CYP2J2: variants seen among roughly 807,000 people sequenced by gnomAD.
CYP2J2 encodes cytochrome P450 family 2 subfamily J member 2, also known as cytochrome P450 2J2.
In CYP2J2, 41 loss-of-function variants were observed where a neutral mutation model predicts 48.8. The observed-to-expected ratio is 0.84, with a 90% CI of 0.66 to 1.09. The LOEUF is 1.09. CYP2J2 is among the 50% of genes least tolerant of loss of function. The pLI is 0.00. For synonymous variants in CYP2J2, 221 were observed against 227.1 expected (o/e 0.97, Z 0.24); for missense variants, 644 against 617.3 (o/e 1.04, Z -0.46).
chr1:59,938,481 T>C, the CYP2J2 span, among the ~76,000 whole-genome samples: 1 of 152,236 alleles, frequency 6.6e-6, no homozygotes, highest in Non-Finnish European at 1.5e-5. Flanking sequence ...GATGTGCACG[T>C]AGGCCAGATT....
the CYP2J2 span, among the ~76,000 whole-genome samples, chr1:59,936,942 G>A: frequency 4.6e-5 from 7 of 152,290 alleles, no homozygotes; most frequent in Admixed American, 2.0e-4. Flanking sequence ...GTTACTTATT[G>A]GTTTATAAAA....
At position 59,904,897 on chromosome 1, in the gene CYP2J2, T is replaced by C; in HGVS notation, c.1165A>G (p.Thr389Ala). The change falls in exon 7 of 9, where the codon ACT (threonine) becomes GCT (alanine). Residue 389 changes from threonine (T) to alanine (A), a missense_variant. Transcript: ENST00000371204. Reference sequence around the variant, plus strand: ...TTGGGCAGGTGGTACCCAGCCAAAGTGGTATCAACTGTCACTTCCCTGGGA... The same window carrying C: ...TTGGGCAGGTGGTACCCAGCCAAAGCGGTATCAACTGTCACTTCCCTGGGA... ...NVPREVTVDTTLAGYHLPKGT... is the reference protein window; with the variant it reads ...NVPREVTVDTALAGYHLPKGT... 6.2e-7 allele frequency: 1 copy of C among 1,613,686 alleles called. No homozygotes were observed. The highest frequency in any genetic ancestry group is 8.5e-7 in the Non-Finnish European group (1 of 1,179,850).
rs1644376853 is a variant in CYP2J2, at chr1:59,907,772, A to G, written c.1003+14T>C. ...ATTCTGTCCTGGTTCAGGCTTACTCACTGACATGCTCACCTTGGATTTCTG... is the reference window on the plus strand; with the variant it reads ...ATTCTGTCCTGGTTCAGGCTTACTCGCTGACATGCTCACCTTGGATTTCTG... On this transcript the variant is annotated intron_variant, in intron 6 of 8. Coordinates refer to ENST00000371204, the MANE Select transcript of CYP2J2 (RefSeq NM_000775.4). The G allele has an allele frequency of 6.2e-7, 1 of 1,613,656 alleles. No individual in the cohort carries two copies. Among genetic ancestry groups the G allele is most frequent in the Non-Finnish European group, 8.5e-7 (1 of 1,179,768 alleles).
intron 5 of CYP2J2, among the ~76,000 whole-genome samples, chr1:59,908,578 C>T (rs554652277): frequency 6.6e-6 from 1 of 152,310 alleles, no homozygotes; most frequent in African/African-American, 2.4e-5. Flanking sequence ...TCCAATGTTG[C>T]TCTTAATGTT....
the CYP2J2 span, among the ~76,000 whole-genome samples, chr1:59,945,412 ATC>A: frequency 1.5e-4 from 1 of 6,782 alleles, no homozygotes. Context: ...TCTGTCATCT[ATC>A]TATCTATCTA....
chr1:59,930,383 T>A (rs969988816), upstream of CYP2J2, among the ~76,000 whole-genome samples: 1 of 152,132 alleles, frequency 6.6e-6, no homozygotes, highest in Non-Finnish European at 1.5e-5. Context: ...TGCCCAAGAT[T>A]TTCAATATCT....
In CYP2J2 at chr1:59,912,394, T is replaced by A. The variant is rs1644426051; in HGVS notation, c.374-83A>T. ...AAATGATATGGGAATGTGTATCAGA[T>A]GAAGGACAGGAGAAGATCATTAAGG... On this transcript the variant is annotated intron_variant, in intron 2 of 8. Transcript: ENST00000371204. 2.8e-6 allele frequency: 4 copies of A among 1,448,208 alleles called. No homozygotes were observed. In the South Asian group the frequency reaches 5.3e-5, roughly 19 times the overall value. 89.7% of individuals were successfully genotyped at this position (1,448,208 alleles called of 1,614,324 possible). A position where few individuals can be genotyped will look rare whatever the true frequency, so the allele number is the denominator to read the frequency against.
the CYP2J2 span, among the ~76,000 whole-genome samples, chr1:59,958,539 A>G: frequency 2.4e-4 from 36 of 148,022 alleles, no homozygotes; most frequent in Admixed American, 4.0e-4. Context: ...TCCTTCCTAG[A>G]ACATCCCAGT....
At chr1:59,925,731 G>GT (rs1376300037) in intron 1 of CYP2J2, among the ~76,000 whole-genome samples, 1 of 152,206 alleles carries the variant, frequency 6.6e-6, no homozygotes, top group Non-Finnish European at 1.5e-5. Context: ...CTGCAGGCAT[G>GT]TGCAGGGAAA....
chr1:59,914,972 C>T (rs1644451908), intron 2 of CYP2J2, among the ~76,000 whole-genome samples: 1 of 152,234 alleles, frequency 6.6e-6, no homozygotes, highest in South Asian at 2.1e-4. Context: ...GACATGTTGG[C>T]AGCAACGCTG....
At chr1:59,898,342 C>A (rs1330368272) in intron 8 of CYP2J2, among the ~76,000 whole-genome samples, 1 of 152,156 alleles carries the variant, frequency 6.6e-6, no homozygotes, top group Non-Finnish European at 1.5e-5. Context: ...TGTGACTAAG[C>A]CAGGACAGCT....
At chr1:59,951,131 T>C in the CYP2J2 span, among the ~76,000 whole-genome samples, 1 of 152,314 alleles carries the variant, frequency 6.6e-6, no homozygotes, top group Admixed American at 6.5e-5. Flanking sequence ...CTAAGGAAAC[T>C]GACATAGAAA....
the CYP2J2 span, among the ~76,000 whole-genome samples, chr1:59,939,370 C>T: frequency 1.3e-5 from 2 of 152,092 alleles, no homozygotes; most frequent in African/African-American, 2.4e-5. Flanking sequence ...GACAAGATCT[C>T]GAAGAATTCT....
chr1:59,948,869 AAAG>A, the CYP2J2 span, among the ~76,000 whole-genome samples: 56 of 152,268 alleles, frequency 3.7e-4, 3 homozygotes, highest in South Asian at 0.011. Flanking sequence ...ATACTGACTT[AAAG>A]AAGAAAATCC....
chr1:59,893,621 CT>C lies in CYP2J2; in HGVS notation c.*29del. ...TCAGAACACGTGCCATGTCTTCTTA[CT>C]TTCCTTGCCCCTTTCTTTCTTAACA... is the stretch of plus-strand genomic sequence containing the variant. On this transcript the variant is annotated 3_prime_UTR_variant, in exon 9 of 9. Coordinates refer to ENST00000371204, the MANE Select transcript of CYP2J2 (RefSeq NM_000775.4). 6.5e-7 allele frequency: 1 copy of C among 1,535,834 alleles called. No individual in the cohort carries two copies. Among genetic ancestry groups the C allele is most frequent in the Non-Finnish European group, 8.8e-7 (1 of 1,133,882 alleles).
intron 7 of CYP2J2, among the ~76,000 whole-genome samples, chr1:59,902,495 A>C (rs948066624): frequency 2.0e-5 from 3 of 151,984 alleles, no homozygotes; most frequent in African/African-American, 7.3e-5. Context: ...GGCTCACTGC[A>C]ACCTCCATCT....
chr1:59,921,008 T>G (rs1374210238), intron 1 of CYP2J2, among the ~76,000 whole-genome samples: 1 of 152,178 alleles, frequency 6.6e-6, no homozygotes, highest in Non-Finnish European at 1.5e-5. Context: ...TTAGCCCAAT[T>G]TCTTCCAACA....
At chr1:59,954,472 T>C in the CYP2J2 span, among the ~76,000 whole-genome samples, 185 of 151,078 alleles carry the variant, frequency 1.2e-3, 3 homozygotes, top group East Asian at 0.032. Context: ...GAATGAAGAG[T>C]GAACAAAGGA....
At chr1:59,957,472 A>C in the CYP2J2 span, among the ~76,000 whole-genome samples, 1 of 152,132 alleles carries the variant, frequency 6.6e-6, no homozygotes, top group African/African-American at 2.4e-5. Context: ...CTGAAGCACA[A>C]GAGCTCTGAA....
Sources: gnomAD v4.1 joint callset for allele counts (sites outside exome capture counted in the v4.1 genomes callset) on GRCh38, gnomAD v4.1.1 for gene constraint, MANE v1.5 for transcripts, NCBI Gene and HGNC (gene_info 2026-07-23, HGNC 2026-07-21) for gene names.